SLC37A1: variants seen among roughly 807,000 people sequenced by gnomAD.
SLC37A1 encodes the protein glucose-6-phosphate exchanger SLC37A1.
A neutral mutation model predicts 75.3 loss-of-function variants in SLC37A1; 49 were observed. The observed-to-expected ratio is 0.65, with a 90% CI of 0.52 to 0.83. SLC37A1 has a LOEUF of 0.83. Ranked by LOEUF, SLC37A1 falls within the 40% of genes least tolerant of loss-of-function variation. The pLI is 0.00. For missense variants in SLC37A1, 566 were observed against 695.0 expected (o/e 0.81, Z 2.09); for synonymous variants, 268 against 292.1 (o/e 0.92, Z 0.84).
intron 6 of SLC37A1, among the ~76,000 whole-genome samples, chr21:42,540,545 G>A (rs572490407): frequency 6.6e-6 from 1 of 152,192 alleles, no homozygotes; most frequent in African/African-American, 2.4e-5. Context: ...AGATCATGAA[G>A]GTGCTAGAAG....
chr21:42,523,834 C>CCA (rs2054713247), intron 2 of SLC37A1, among the ~76,000 whole-genome samples: 4 of 151,962 alleles, frequency 2.6e-5, no homozygotes. Context: ...CACAGGCATT[C>CCA]CAAAGGTTGT....
At chr21:42,575,598 C>G (rs2056290635) in intron 18 of SLC37A1, 4 of 985,406 alleles carry the variant, frequency 4.1e-6, no homozygotes, top group Non-Finnish European at 4.8e-6. Flanking sequence ...GTGAGGGGTG[C>G]ATACACATCT....
At chr21:42,579,697 G>T (rs767889245) in intron 18 of SLC37A1, 39 bp from the exon 19 acceptor site, 3 of 1,613,184 alleles carry the variant, frequency 1.9e-6, no homozygotes, top group Non-Finnish European at 2.5e-6. Flanking sequence ...CCCTGTGCCT[G>T]CTCCAGTAAC....
intron 1 of SLC37A1, among the ~76,000 whole-genome samples, chr21:42,502,110 C>A (rs1480767821): frequency 1.3e-5 from 2 of 152,160 alleles, no homozygotes; most frequent in Non-Finnish European, 2.9e-5. Flanking sequence ...GTTTTAAAAT[C>A]TTTTAATTAT....
At position 42,519,964 on chromosome 21, in the gene SLC37A1, T is replaced by TGTGTGTGTGTG. The variant is rs1555879905; in HGVS notation, c.56+1454_56+1455insGTGTGTGTGTG. Reference sequence around the variant, plus strand: ...CTCTCCCTGCCCCTCCACAGTGTGTTTGTGTGTGTGTGTGTGTGTGCATGT... The same window carrying TGTGTGTGTGTG: ...CTCTCCCTGCCCCTCCACAGTGTGTTGTGTGTGTGTGTGTGTGTGTGTGTGTGTGTGCATGT... On this transcript the variant is annotated intron_variant, in intron 2 of 19. Transcript: ENST00000352133. Among the ~76,000 whole-genome samples the TGTGTGTGTGTG allele has an allele frequency of 9.9e-4, 147 of 148,660 alleles. 2 individuals carry two copies. The South Asian group carries it at 0.017, about 17-fold the overall frequency.
intron 11 of SLC37A1, among the ~76,000 whole-genome samples, chr21:42,560,105 G>A (rs1472607597): frequency 2.0e-5 from 3 of 152,160 alleles, no homozygotes; most frequent in African/African-American, 7.2e-5. Context: ...GATCAGTATC[G>A]GGAACAAGGT....
At chr21:42,515,993 A>T (rs2054515131) in intron 1 of SLC37A1, among the ~76,000 whole-genome samples, 1 of 152,122 alleles carries the variant, frequency 6.6e-6, no homozygotes, top group South Asian at 2.1e-4. Context: ...TCCTGGCCTC[A>T]AGTGATCTGC....
intron 13 of SLC37A1, among the ~76,000 whole-genome samples, chr21:42,564,163 T>C (rs983826874): frequency 4.4e-5 from 6 of 137,370 alleles, no homozygotes; most frequent in Non-Finnish European, 9.1e-5. Context: ...GTTGGGAGGA[T>C]CGCTTGAGGT....
intron 10 of SLC37A1, among the ~76,000 whole-genome samples, chr21:42,556,028 T>A (rs1171921062): frequency 6.6e-6 from 1 of 152,132 alleles, no homozygotes; most frequent in African/African-American, 2.4e-5. Flanking sequence ...GCCCCTGACC[T>A]CCACTCCTTT....
intron 2 of SLC37A1, among the ~76,000 whole-genome samples, chr21:42,504,782 C>T (rs1027503030): frequency 2.5e-4 from 38 of 152,204 alleles, no homozygotes; most frequent in Admixed American, 2.5e-3. Context: ...ACCTTTTTAT[C>T]ATCCACCTCA....
chr21:42,542,497 C>A lies in SLC37A1; in HGVS notation c.563+17C>A. Reference sequence around the variant, plus strand: ...AAAAGGAAGGTGAGAAAAAGCAGCCCTGTTTCCAATAGCAGATGAAAACTA... The same window carrying A: ...AAAAGGAAGGTGAGAAAAAGCAGCCATGTTTCCAATAGCAGATGAAAACTA... On this transcript the variant is annotated intron_variant, in intron 7 of 19. Coordinates refer to ENST00000352133, the MANE Select transcript of SLC37A1 (RefSeq NM_001320537.2). 1 of 1,613,670 alleles carries A rather than the reference C, an allele frequency of 6.2e-7. No homozygotes were observed. The highest frequency in any genetic ancestry group is 8.5e-7 in the Non-Finnish European group (1 of 1,179,666).
At chr21:42,506,246 A>G (rs902756996) in intron 2 of SLC37A1, among the ~76,000 whole-genome samples, 3 of 152,236 alleles carry the variant, frequency 2.0e-5, no homozygotes, top group African/African-American at 7.2e-5. Context: ...TTAAACCTCT[A>G]TTAACTTTGT....
rs1017801379 is a variant in SLC37A1 at position 42,515,380 on chromosome 21, ATAAAG to A, written c.-179+666_-179+670del. On this transcript the variant is annotated intron_variant, in intron 1 of 19. Transcript: ENST00000352133. ...TGAGACCCAGTTAAAAAAAAATGTC[ATAAAG>A]TAGATTATTTAAAATATCTGTGGGG... 2.3e-4 allele frequency among the ~76,000 whole-genome samples: 35 copies of A among 152,296 alleles called. 1 individual carries two copies. The highest frequency in any genetic ancestry group is 7.5e-4 in the African/African-American group (31 of 41,558).
chr21:42,528,495 G>A (rs1432261679), intron 3 of SLC37A1, among the ~76,000 whole-genome samples: 2 of 152,226 alleles, frequency 1.3e-5, no homozygotes, highest in Non-Finnish European at 2.9e-5. Context: ...ATTTGAATGT[G>A]AGTGTGCCCA....
chr21:42,575,013 A>T, intron 18 of SLC37A1, 98 bp downstream of exon 18: 2 of 1,550,336 alleles, frequency 1.3e-6, no homozygotes, highest in Non-Finnish European at 1.7e-6. Context: ...TTCCTGAGTT[A>T]TCAGAGAGGT....
At chr21:42,539,764 C>G in intron 6 of SLC37A1, 117 bp downstream of exon 6, 1 of 1,046,930 alleles carries the variant, frequency 9.6e-7, no homozygotes, top group Non-Finnish European at 1.3e-6. Flanking sequence ...TGCGTCCTGT[C>G]GGAAGTCAGG....
In SLC37A1 at chr21:42,547,381, A is replaced by G; in HGVS notation, c.768+241A>G. ...TGTCCAGATGAAGGACTTCATGCTA[A>G]GGGGAACCAAAGGCTGGGCCCTGGC... On this transcript the variant is annotated intron_variant, in intron 9 of 19. Transcript: ENST00000352133. The surrounding 1 kb of genome is among the most constrained non-coding windows in gnomAD (Gnocchi z 6.1). The G allele has an allele frequency of 2.1e-6, 1 of 466,632 alleles. No individual in the cohort carries two copies. The highest frequency in any genetic ancestry group is 3.8e-6 in the Non-Finnish European group (1 of 260,982). The allele number at this position is 466,632 out of a possible 1,614,324, so 28.9% of individuals were successfully genotyped here. A position where few individuals can be genotyped will look rare whatever the true frequency, so the allele number is the denominator to read the frequency against.
chr21:42,510,688 G>C (rs1369966922), upstream of SLC37A1, among the ~76,000 whole-genome samples: 1 of 152,004 alleles, frequency 6.6e-6, no homozygotes, highest in Non-Finnish European at 1.5e-5. Context: ...CCATGCAAAT[G>C]GTTACCAAAT....
At chr21:42,521,526 A>G (rs1338225302) in intron 2 of SLC37A1, among the ~76,000 whole-genome samples, 1 of 152,234 alleles carries the variant, frequency 6.6e-6, no homozygotes, top group Non-Finnish European at 1.5e-5. Context: ...TCAAACAAGG[A>G]GACAGATATT....
Sources: gnomAD v4.1 joint callset for allele counts (sites outside exome capture counted in the v4.1 genomes callset) on GRCh38, gnomAD v4.1.1 for gene constraint, Gnocchi (gnomAD v3.1) non-coding constraint, MANE v1.5 for transcripts, NCBI Gene and HGNC (gene_info 2026-07-23, HGNC 2026-07-21) for gene names.